The following EYA2 variants were observed in gnomAD, a reference collection of about 807,000 sequenced individuals.
EYA2 encodes the protein EYA transcriptional coactivator and phosphatase 2.
In EYA2, 31 loss-of-function variants were observed where a neutral mutation model predicts 69.2. The observed-to-expected ratio is 0.45, with a 90% confidence interval of 0.34 to 0.60. The LOEUF is 0.60. Ranked by LOEUF, EYA2 falls within the 20% of genes least tolerant of loss-of-function variation. EYA2 has a pLI of 0.02. For synonymous variants in EYA2, 257 were observed against 279.4 expected, an observed-to-expected ratio of 0.92 and a Z score of 0.80; for missense variants, 622 against 701.2, an observed-to-expected ratio of 0.89 and a Z score of 1.28.
intron 7 of EYA2, among the ~76,000 whole-genome samples, chr20:47,084,834 CT>C (rs34290555): frequency 0.67 from 75,560 of 112,414 alleles, 25,066 homozygotes; most frequent in Middle Eastern, 0.84. Context: ...CTGTTTCTTT[CT>C]TTTTTTTTTT....
At chr20:47,092,007 A>G (rs2032101553) in intron 8 of EYA2, among the ~76,000 whole-genome samples, 1 of 152,138 alleles carries the variant, frequency 6.6e-6, no homozygotes, top group Non-Finnish European at 1.5e-5. Flanking sequence ...ATGGGGAAGG[A>G]AAACTAGGAT....
intron 1 of EYA2, among the ~76,000 whole-genome samples, chr20:46,946,183 G>A (rs1024850982): frequency 3.3e-5 from 5 of 152,114 alleles, no homozygotes; most frequent in Non-Finnish European, 7.4e-5. Context: ...CAGGATTGCT[G>A]GACCCTCTGC....
At chr20:47,004,915 G>A in intron 3 of EYA2, 27 bp from the exon 4 acceptor site, 1 of 1,614,092 alleles carries the variant, frequency 6.2e-7, no homozygotes, top group Non-Finnish European at 8.5e-7. Context: ...TGGGCCTGGA[G>A]ATTTAATCTT....
chr20:47,124,459 TGAC>T (rs1396069948), intron 9 of EYA2, among the ~76,000 whole-genome samples: 5 of 152,190 alleles, frequency 3.3e-5, no homozygotes, highest in East Asian at 1.9e-4. Flanking sequence ...TGCTGAAGTG[TGAC>T]GACTACTAAT....
At chr20:46,949,046 G>A (rs892968358) in intron 1 of EYA2, among the ~76,000 whole-genome samples, 2 of 152,218 alleles carry the variant, frequency 1.3e-5, no homozygotes, top group Admixed American at 6.5e-5. Flanking sequence ...AGAGGAATAT[G>A]CCCAGTGTCT....
intron 5 of EYA2, among the ~76,000 whole-genome samples, chr20:47,057,519 C>G (rs1003813797): frequency 1.3e-5 from 2 of 150,928 alleles, no homozygotes; most frequent in East Asian, 2.0e-4. Flanking sequence ...CACCCCCCCC[C>G]CCCATCTCAT....
intron 9 of EYA2, among the ~76,000 whole-genome samples, chr20:47,115,812 C>T (rs1179330347): frequency 1.3e-5 from 2 of 152,232 alleles, no homozygotes; most frequent in Non-Finnish European, 2.9e-5. Flanking sequence ...TTAAGGCAAA[C>T]TCTTTGCCAT....
At chr20:46,989,845 T>C (rs569220474) in intron 1 of EYA2, among the ~76,000 whole-genome samples, 156 bp from the exon 2 acceptor site, 26 of 152,360 alleles carry the variant, frequency 1.7e-4, no homozygotes, top group Non-Finnish European at 2.8e-4. Flanking sequence ...TTCCCTTTGA[T>C]GAAAAGTTGA....
chr20:46,989,503 G>A (rs759487161), intron 1 of EYA2, among the ~76,000 whole-genome samples: 26 of 152,242 alleles, frequency 1.7e-4, no homozygotes, highest in Admixed American at 4.6e-4. Context: ...TCTTGACCTC[G>A]TGATCCACCC....
intron 1 of EYA2, among the ~76,000 whole-genome samples, chr20:46,916,018 A>G (rs1374520488): frequency 2.6e-5 from 4 of 152,228 alleles, no homozygotes; most frequent in African/African-American, 7.2e-5. Context: ...TTAAACATTA[A>G]TAGTACATAG....
chr20:46,926,260 G>C (rs938733171), intron 1 of EYA2, among the ~76,000 whole-genome samples: 1 of 152,124 alleles, frequency 6.6e-6, no homozygotes, highest in South Asian at 2.1e-4. Context: ...ATAGAGAGGG[G>C]GGTTGATTTA....
chr20:47,146,616 CAT>C (rs931088936), intron 10 of EYA2, among the ~76,000 whole-genome samples: 3 of 152,206 alleles, frequency 2.0e-5, no homozygotes, highest in Non-Finnish European at 4.4e-5. Context: ...CAAGTGAAAA[CAT>C]ATTGTTTGTT....
At chr20:46,908,298 A>C (rs368823343) in intron 1 of EYA2, among the ~76,000 whole-genome samples, 1 of 152,226 alleles carries the variant, frequency 6.6e-6, no homozygotes, top group East Asian at 1.9e-4. Context: ...ATGGAGAAAA[A>C]AGGTCAAGAG....
At chr20:47,065,693 T>C (rs780426275) in intron 5 of EYA2, among the ~76,000 whole-genome samples, 7 of 152,224 alleles carry the variant, frequency 4.6e-5, no homozygotes, top group Admixed American at 6.5e-5. Context: ...GAGGTTTAAA[T>C]TTCTCTATTT....
chr20:46,961,599 C>A (rs1368303383), intron 1 of EYA2, among the ~76,000 whole-genome samples: 3 of 151,836 alleles, frequency 2.0e-5, no homozygotes, highest in African/African-American at 7.3e-5. Context: ...TCACAATAGC[C>A]CAGATATGGA....
At chr20:46,942,429 G>A (rs1986195241) in intron 1 of EYA2, among the ~76,000 whole-genome samples, 1 of 152,034 alleles carries the variant, frequency 6.6e-6, no homozygotes, top group Non-Finnish European at 1.5e-5. Context: ...TTTTTAGGGG[G>A]GGAAAACTCT....
intron 12 of EYA2, among the ~76,000 whole-genome samples, chr20:47,176,616 G>C (rs1251009106): frequency 5.3e-5 from 8 of 152,158 alleles, no homozygotes; most frequent in Admixed American, 4.6e-4. Context: ...GAGTCAATCA[G>C]TTCAGCTACA....
At chr20:47,038,569 G>A (rs549132457) in intron 5 of EYA2, among the ~76,000 whole-genome samples, 1 of 152,320 alleles carries the variant, frequency 6.6e-6, no homozygotes, top group Admixed American at 6.5e-5. Flanking sequence ...TAGGGCAGAG[G>A]AAACCCTGAG....
chr20:47,063,037 C>T (rs2030955154), intron 5 of EYA2, among the ~76,000 whole-genome samples: 1 of 152,066 alleles, frequency 6.6e-6, no homozygotes, highest in South Asian at 2.1e-4. Flanking sequence ...GTAGTGGGAG[C>T]AGTTTTGTTT....
Sources: gnomAD v4.1 joint callset for allele counts (sites outside exome capture counted in the v4.1 genomes callset) on GRCh38, gnomAD v4.1.1 for gene constraint, MANE v1.5 for transcripts, NCBI Gene and HGNC (gene_info 2026-07-23, HGNC 2026-07-21) for gene names.